SLC35D1: variants seen among roughly 807,000 people sequenced by gnomAD.
SLC35D1 encodes solute carrier family 35 member D1, also known as nucleotide sugar transporter SLC35D1.
Under a neutral mutation model 46.7 loss-of-function variants are expected in SLC35D1, and 31 were observed. The observed-to-expected ratio is 0.66, with a 90% CI of 0.50 to 0.90. The LOEUF (loss-of-function observed/expected upper bound fraction) is 0.90, where lower values mean the gene tolerates loss of function less well. Ranked by LOEUF, SLC35D1 falls within the 40% of genes least tolerant of loss-of-function variation. The probability of loss-of-function intolerance (pLI) is 0.00; values close to 1 mark genes in which losing one functional copy is unlikely to be tolerated. For synonymous variants in SLC35D1, 195 were observed against 164.6 expected (o/e 1.18, Z -1.41); for missense variants, 397 against 426.2 (o/e 0.93, Z 0.60).
chr1:66,997,836 T>C (rs1391652498), downstream of SLC35D1, among the ~76,000 whole-genome samples: 1 of 148,810 alleles, frequency 6.7e-6, no homozygotes, highest in Non-Finnish European at 1.5e-5. Flanking sequence ...AAAAAATATA[T>C]ATATATCTCC....
chr1:67,009,396 T>C (rs889484180), intron 10 of SLC35D1, among the ~76,000 whole-genome samples: 2 of 152,136 alleles, frequency 1.3e-5, no homozygotes, highest in African/African-American at 4.8e-5. Context: ...CTTTTGCCAA[T>C]ACTGAAGAAT....
At chr1:67,043,243 T>C (rs1236142997) in intron 7 of SLC35D1, among the ~76,000 whole-genome samples, 1 of 151,214 alleles carries the variant, frequency 6.6e-6, no homozygotes, top group Admixed American at 6.6e-5. Context: ...CACGTTCCTG[T>C]AAATCCCAGC....
intron 8 of SLC35D1, among the ~76,000 whole-genome samples, chr1:67,040,578 G>A (rs1668221524): frequency 6.6e-6 from 1 of 152,174 alleles, no homozygotes; most frequent in Non-Finnish European, 1.5e-5. Context: ...TTGCAGGTAT[G>A]CCTGAGCTCA....
At chr1:66,974,286 T>G in the SLC35D1 span, among the ~76,000 whole-genome samples, 1 of 152,148 alleles carries the variant, frequency 6.6e-6, no homozygotes. Context: ...TAATGTTGTG[T>G]TCATATCATC....
intron 9 of SLC35D1, 71 bp downstream of exon 9, chr1:67,021,464 A>G: frequency 2.0e-6 from 3 of 1,484,596 alleles, no homozygotes; most frequent in Non-Finnish European, 2.8e-6. Flanking sequence ...ATATTGAGAA[A>G]AGAGGCATGC....
Position 67,026,590 on chromosome 1 carries a change from T to C in SLC35D1, c.730-4988A>G, listed in dbSNP as rs1320137949. On this transcript the variant is annotated intron_variant, in intron 8 of 11. Transcript: ENST00000235345. ...GAAGCAATCAGGGCCTGAAATTTTATTTTGAGGAAAGTTTTTAACTACAAA... is the reference window on the plus strand; with the variant it reads ...GAAGCAATCAGGGCCTGAAATTTTACTTTGAGGAAAGTTTTTAACTACAAA... Among the ~76,000 whole-genome samples the C allele has an allele frequency of 3.9e-5, 6 of 152,320 alleles. No individual in the cohort carries two copies. The South Asian group carries it at 6.2e-4, about 16-fold the overall frequency.
the SLC35D1 span, chr1:66,986,596 T>C: frequency 1.3e-6 from 1 of 790,440 alleles, no homozygotes; most frequent in Non-Finnish European, 2.1e-6. Flanking sequence ...ATGTTCGGAC[T>C]GCTTCCCTTC....
chr1:67,011,933 T>C (rs536315371), intron 10 of SLC35D1, among the ~76,000 whole-genome samples: 4 of 152,322 alleles, frequency 2.6e-5, no homozygotes, highest in Non-Finnish European at 2.9e-5. Context: ...TATCTTTGTC[T>C]TTCTGTGTTG....
intron 10 of SLC35D1, among the ~76,000 whole-genome samples, chr1:67,013,429 T>C (rs1444144824): frequency 6.6e-6 from 1 of 151,604 alleles, no homozygotes; most frequent in Non-Finnish European, 1.5e-5. Context: ...GTCACAAGTG[T>C]CTGTAGTCCC....
intron 6 of SLC35D1, among the ~76,000 whole-genome samples, chr1:67,049,293 CAA>C (rs1334400228): frequency 1.5e-4 from 16 of 105,098 alleles, no homozygotes; most frequent in Admixed American, 3.1e-4. Context: ...GACTCCGTCT[CAA>C]AAAAAAAAAA....
chr1:67,053,867 G>A lies in SLC35D1; in HGVS notation c.147C>T (p.Tyr49=). The change falls in exon 1 of 12, where the codon TAC becomes TAT. Residue 49 remains tyrosine, a synonymous_variant. Coordinates refer to ENST00000235345, the MANE Select transcript of SLC35D1 (RefSeq NM_015139.3). ...VFLKLLAAGF[Y]GVSSFLIVVV... Reference sequence around the variant, plus strand: ...CCACGATCAGGAAGGAGCTCACGCCGTAAAAGCCGGCGGCCAGCAGCTTCA... The same window carrying A: ...CCACGATCAGGAAGGAGCTCACGCCATAAAAGCCGGCGGCCAGCAGCTTCA... 3.7e-6 allele frequency: 6 copies of A among 1,613,564 alleles called. No individual in the cohort carries two copies. Among genetic ancestry groups the A allele is most frequent in the South Asian group, 2.2e-5 (2 of 91,058 alleles).
chr1:67,024,171 C>T (rs1388132886), intron 8 of SLC35D1, among the ~76,000 whole-genome samples: 1 of 152,004 alleles, frequency 6.6e-6, no homozygotes, highest in Non-Finnish European at 1.5e-5. Flanking sequence ...GTCCTGAACT[C>T]CAGACCTCAA....
chr1:66,975,882 G>A, the SLC35D1 span, among the ~76,000 whole-genome samples: 2 of 152,188 alleles, frequency 1.3e-5, no homozygotes, highest in Non-Finnish European at 1.5e-5. Flanking sequence ...TCTTTCAAAA[G>A]GGAATTTAAA....
chr1:67,043,108 T>C (rs1645212246), intron 7 of SLC35D1, among the ~76,000 whole-genome samples: 1 of 151,418 alleles, frequency 6.6e-6, no homozygotes, highest in African/African-American at 2.4e-5. Flanking sequence ...GGCGGGAGAA[T>C]CGCTTGAACT....
At chr1:67,030,236 A>T (rs1667990651) in intron 8 of SLC35D1, among the ~76,000 whole-genome samples, 1 of 152,194 alleles carries the variant, frequency 6.6e-6, no homozygotes, top group African/African-American at 2.4e-5. Flanking sequence ...TCCAGTTGTG[A>T]CAGGAGTATT....
chr1:66,994,783 C>T (rs1316423845), downstream of SLC35D1, among the ~76,000 whole-genome samples: 4 of 151,666 alleles, frequency 2.6e-5, no homozygotes, highest in African/African-American at 9.7e-5. Flanking sequence ...TATCAGGAAA[C>T]CTGTTTTCAA....
At chr1:67,034,071 C>T (rs1276009180) in intron 8 of SLC35D1, among the ~76,000 whole-genome samples, 2 of 152,136 alleles carry the variant, frequency 1.3e-5, no homozygotes, top group African/African-American at 2.4e-5. Context: ...TATGACAGTA[C>T]CATGCTGTTT....
chr1:66,986,105 T>C, the SLC35D1 span: 1 of 1,094,216 alleles, frequency 9.1e-7, no homozygotes, highest in Non-Finnish European at 1.1e-6. Flanking sequence ...GGAACAACTG[T>C]TGGCAGGCAG....
intron 9 of SLC35D1, 44 bp downstream of exon 9, chr1:67,021,491 T>C (rs1306856053): frequency 6.2e-7 from 1 of 1,601,600 alleles, no homozygotes; most frequent in Admixed American, 1.7e-5. Flanking sequence ...CTCTAACCTA[T>C]TTCTTTAGGA....
Sources: allele counts gnomAD v4.1 joint callset (sites outside exome capture counted in the v4.1 genomes callset), GRCh38; gene constraint gnomAD v4.1.1; transcripts MANE v1.5; gene names NCBI Gene and HGNC (gene_info 2026-07-23, HGNC 2026-07-21).